Variants in FSTL5 observed in about 807,000 individuals in gnomAD.
FSTL5 encodes follistatin like 5.
In FSTL5, 62 loss-of-function variants were observed where a neutral mutation model predicts 89.1. That is an observed-to-expected ratio of 0.70 (90% CI 0.57 to 0.86). The LOEUF is 0.86. Ranked by LOEUF, FSTL5 falls within the 40% of genes least tolerant of loss-of-function variation. The pLI is 0.00. For synonymous variants in FSTL5, 383 were observed against 346.2 expected, an observed-to-expected ratio of 1.11 and a Z score of -1.18; for missense variants, 1,057 against 1,001.6, an observed-to-expected ratio of 1.06 and a Z score of -0.75.
intron 4 of FSTL5, among the ~76,000 whole-genome samples, chr4:161,877,506 T>TA (rs376220001): frequency 5.3e-5 from 8 of 151,548 alleles, no homozygotes; most frequent in African/African-American, 1.2e-4. Context: ...TTCACAATTT[T>TA]AAAAAAACTT....
chr4:161,703,686 T>G (rs1470562388), intron 6 of FSTL5, among the ~76,000 whole-genome samples: 1 of 152,152 alleles, frequency 6.6e-6, no homozygotes, highest in Non-Finnish European at 1.5e-5. Context: ...CCAATGTTGC[T>G]GAACAACATA....
chr4:161,421,319 C>A (rs1182177016), intron 15 of FSTL5, among the ~76,000 whole-genome samples: 1 of 147,980 alleles, frequency 6.8e-6, no homozygotes, highest in African/African-American at 2.5e-5. Flanking sequence ...CCAGCCTGGG[C>A]TACAGAGCAA....
At chr4:161,966,448 G>A (rs1029431303) in intron 3 of FSTL5, among the ~76,000 whole-genome samples, 6 of 152,102 alleles carry the variant, frequency 3.9e-5, no homozygotes, top group Non-Finnish European at 8.8e-5. Flanking sequence ...TTCCTCAAAT[G>A]TGAAGTATAC....
At chr4:161,695,518 G>T (rs1738123677) in intron 6 of FSTL5, among the ~76,000 whole-genome samples, 1 of 147,616 alleles carries the variant, frequency 6.8e-6, no homozygotes, top group Middle Eastern at 3.6e-3. Flanking sequence ...TCCACTTGTC[G>T]ATTGATGGGC....
rs114641620 is a variant in FSTL5, at chr4:161,457,361, T to A, written c.1716+1851A>T. ...CTTCCACTCCCACCTGGCAAATATT[T>A]TTATAATTTACCATATTCTATCAGC... On this transcript the variant is annotated intron_variant, in intron 14 of 15. Coordinates refer to ENST00000306100, the MANE Select transcript of FSTL5 (RefSeq NM_020116.5). 5.6e-3 allele frequency among the ~76,000 whole-genome samples: 849 copies of A among 152,332 alleles called. 10 individuals carry two copies. Among genetic ancestry groups the A allele is most frequent in the African/African-American group, 0.019 (809 of 41,576 alleles).
intron 13 of FSTL5, among the ~76,000 whole-genome samples, chr4:161,465,727 A>G (rs1177278638): frequency 1.3e-5 from 2 of 152,224 alleles, no homozygotes; most frequent in African/African-American, 4.8e-5. Context: ...GTTTGCATCT[A>G]TTGAATTATT....
At chr4:161,700,219 A>G (rs751597829) in intron 6 of FSTL5, among the ~76,000 whole-genome samples, 3 of 152,220 alleles carry the variant, frequency 2.0e-5, no homozygotes, top group Non-Finnish European at 2.9e-5. Context: ...TCATTCTACC[A>G]TAAAGAAACT....
At chr4:161,594,211 T>C (rs1478689885) in intron 7 of FSTL5, among the ~76,000 whole-genome samples, 2 of 151,990 alleles carry the variant, frequency 1.3e-5, no homozygotes, top group Non-Finnish European at 2.9e-5. Flanking sequence ...GGAGACCAGA[T>C]CACAACAGAG....
chr4:162,057,541 T>G (rs912921446), intron 2 of FSTL5, among the ~76,000 whole-genome samples: 4 of 152,202 alleles, frequency 2.6e-5, no homozygotes, highest in African/African-American at 9.7e-5. Flanking sequence ...TTCACTACTT[T>G]TCTTAGAGGC....
At chr4:161,459,350 T>C in intron 13 of FSTL5, 31 bp from the exon 14 acceptor site, 1 of 1,430,458 alleles carries the variant, frequency 7.0e-7, no homozygotes, top group East Asian at 2.3e-5. Flanking sequence ...AAAAAATGTT[T>C]TAGACTAAAC....
chr4:161,547,164 G>A (rs1732035543), intron 8 of FSTL5, among the ~76,000 whole-genome samples: 2 of 151,986 alleles, frequency 1.3e-5, no homozygotes, highest in African/African-American at 4.8e-5. Flanking sequence ...CAATAGCCAC[G>A]TGAGTGAGTA....
intron 2 of FSTL5, among the ~76,000 whole-genome samples, chr4:162,060,214 ACT>A: frequency 6.6e-6 from 1 of 152,094 alleles, no homozygotes; most frequent in Non-Finnish European, 1.5e-5. Context: ...CTGATACAGA[ACT>A]CTCTTAAAAA....
chr4:161,651,082 TTG>T (rs1324690319), intron 7 of FSTL5, among the ~76,000 whole-genome samples: 29 of 152,100 alleles, frequency 1.9e-4, no homozygotes, highest in African/African-American at 7.0e-4. Flanking sequence ...TACTCTATAT[TTG>T]TCTTTATGCT....
chr4:162,008,324 T>C (rs963653157), intron 3 of FSTL5, among the ~76,000 whole-genome samples: 7 of 151,844 alleles, frequency 4.6e-5, no homozygotes, highest in African/African-American at 1.4e-4. Flanking sequence ...CAAAGAACCA[T>C]AGGCATAGTA....
intron 4 of FSTL5, among the ~76,000 whole-genome samples, chr4:161,813,314 C>T (rs776743024): frequency 1.7e-4 from 26 of 152,114 alleles, no homozygotes; most frequent in Non-Finnish European, 3.4e-4. Context: ...CAAGTGTGAG[C>T]CACCGCGCCT....
rs138471708 is a variant in FSTL5 at position 161,721,921 on chromosome 4, G to A, written c.727+37490C>T. ...AGAAGCATAACTAGGTATCATTGTA[G>A]TGGTGAGCCAGAGGTCAAAGTAATT... On this transcript the variant is annotated intron_variant, in intron 6 of 15. Coordinates refer to ENST00000306100, the MANE Select transcript of FSTL5 (RefSeq NM_020116.5). Among the ~76,000 whole-genome samples, 50 of 152,278 alleles carry A rather than the reference G, an allele frequency of 3.3e-4. 1 individual carries two copies. The East Asian group carries it at 9.3e-3, about 28-fold the overall frequency.
intron 7 of FSTL5, among the ~76,000 whole-genome samples, chr4:161,620,336 T>C (rs1735077067): frequency 6.6e-6 from 1 of 152,004 alleles, no homozygotes; most frequent in Admixed American, 6.6e-5. Flanking sequence ...ACGTAAAGTA[T>C]AATAATAATT....
At chr4:161,881,154 AT>A in intron 4 of FSTL5, among the ~76,000 whole-genome samples, 1 of 149,596 alleles carries the variant, frequency 6.7e-6, no homozygotes, top group South Asian at 2.1e-4. Context: ...TTTTGGTTTA[AT>A]TTTTTCATAT....
At chr4:161,842,750 C>G (rs915939068) in intron 4 of FSTL5, among the ~76,000 whole-genome samples, 1 of 152,008 alleles carries the variant, frequency 6.6e-6, no homozygotes, top group African/African-American at 2.4e-5. Flanking sequence ...AATAAGTAGT[C>G]ATTTTATTTA....
Sources: gnomAD v4.1 joint callset for allele counts (sites outside exome capture counted in the v4.1 genomes callset) on GRCh38, gnomAD v4.1.1 for gene constraint, MANE v1.5 for transcripts, NCBI Gene and HGNC (gene_info 2026-07-23, HGNC 2026-07-21) for gene names.